GPC6: variants seen among roughly 807,000 people sequenced by gnomAD.
GPC6 encodes glypican 6.
GPC6 carries 14 observed loss-of-function variants against 55.2 expected under a neutral mutation model. The observed-to-expected ratio is 0.25, with a 90% CI of 0.17 to 0.40. The LOEUF (loss-of-function observed/expected upper bound fraction) is 0.40. GPC6 is among the 10% of genes least tolerant of loss of function. The probability of loss-of-function intolerance (pLI) is 1.00; values close to 1 mark genes in which losing one functional copy is unlikely to be tolerated. For missense variants in GPC6, 641 were observed against 708.5 expected (o/e 0.90, Z 1.08); for synonymous variants, 278 against 259.6 (o/e 1.07, Z -0.68).
At chr13:93,873,586 C>T (rs1473353008) in intron 3 of GPC6, among the ~76,000 whole-genome samples, 1 of 151,764 alleles carries the variant, frequency 6.6e-6, no homozygotes, top group African/African-American at 2.4e-5. Flanking sequence ...ACAAGACAGC[C>T]CCTATGACAA....
chr13:93,518,252 C>T (rs1442500571), intron 1 of GPC6, among the ~76,000 whole-genome samples: 1 of 151,844 alleles, frequency 6.6e-6, no homozygotes, highest in Non-Finnish European at 1.5e-5. Flanking sequence ...TTATCTATGT[C>T]CTGTTTTGGA....
intron 1 of GPC6, among the ~76,000 whole-genome samples, chr13:93,544,203 CTT>C (rs879439641): frequency 1.3e-5 from 2 of 151,818 alleles, no homozygotes; most frequent in African/African-American, 4.8e-5. Flanking sequence ...TACTTGTAAA[CTT>C]TTTTTTATTC....
At chr13:93,867,591 C>T (rs578112341) in intron 3 of GPC6, among the ~76,000 whole-genome samples, 3 of 151,856 alleles carry the variant, frequency 2.0e-5, no homozygotes, top group Middle Eastern at 3.4e-3. Flanking sequence ...AAACTCTTCT[C>T]GGAAACCCTT....
intron 6 of GPC6, among the ~76,000 whole-genome samples, chr13:94,363,525 C>T (rs1006753676): frequency 2.6e-5 from 4 of 152,172 alleles, no homozygotes; most frequent in Non-Finnish European, 5.9e-5. Flanking sequence ...TCAAAAAGTT[C>T]AGAAGAAGAT....
chr13:94,044,289 C>A (rs1883645852), intron 4 of GPC6, among the ~76,000 whole-genome samples: 1 of 151,786 alleles, frequency 6.6e-6, no homozygotes, highest in African/African-American at 2.4e-5. Context: ...TGTAGATATT[C>A]TTTTATACTT....
intron 1 of GPC6, among the ~76,000 whole-genome samples, chr13:93,380,811 T>C (rs1462438257): frequency 1.3e-5 from 2 of 152,178 alleles, no homozygotes; most frequent in Non-Finnish European, 2.9e-5. Flanking sequence ...TTGTCTTAGA[T>C]TGACTCTAGC....
chr13:93,254,860 C>A (rs949527434), intron 1 of GPC6, among the ~76,000 whole-genome samples: 2 of 152,164 alleles, frequency 1.3e-5, no homozygotes, highest in African/African-American at 4.8e-5. Flanking sequence ...CCACACTAAT[C>A]TAAGTTGTAA....
chr13:94,207,858 G>A (rs74511369), intron 4 of GPC6, among the ~76,000 whole-genome samples: 2,151 of 152,282 alleles, frequency 0.014, 21 homozygotes, highest in Non-Finnish European at 0.023. Context: ...CCTGAATTAT[G>A]TTGGTGCAAA....
At chr13:94,295,298 A>G (rs1875265513) in intron 5 of GPC6, among the ~76,000 whole-genome samples, 1 of 152,208 alleles carries the variant, frequency 6.6e-6, no homozygotes, top group Non-Finnish European at 1.5e-5. Context: ...ACCATGGAGT[A>G]AGTCAAATCA....
intron 4 of GPC6, among the ~76,000 whole-genome samples, chr13:94,151,523 A>G (rs1887739793): frequency 6.6e-6 from 1 of 152,146 alleles, no homozygotes; most frequent in Non-Finnish European, 1.5e-5. Context: ...TGCTTTTTCC[A>G]TACAGTAAAT....
intron 1 of GPC6, among the ~76,000 whole-genome samples, chr13:93,479,622 C>T (rs1480712500): frequency 6.7e-6 from 1 of 149,610 alleles, no homozygotes; most frequent in Non-Finnish European, 1.5e-5. Flanking sequence ...CCCCCCATCT[C>T]TACTAAAAAT....
chr13:93,873,606 T>C (rs527393296), intron 3 of GPC6, among the ~76,000 whole-genome samples: 2 of 152,062 alleles, frequency 1.3e-5, no homozygotes, highest in East Asian at 3.9e-4. Context: ...AATAATCATC[T>C]GGCCCCACCT....
intron 2 of GPC6, among the ~76,000 whole-genome samples, chr13:93,624,574 T>C (rs1879114202): frequency 1.3e-5 from 2 of 152,182 alleles, no homozygotes; most frequent in Admixed American, 1.3e-4. Context: ...AATGTAATCT[T>C]TTAGAAAACG....
At chr13:93,240,201 A>G (rs751740821) in intron 1 of GPC6, among the ~76,000 whole-genome samples, 2 of 152,088 alleles carry the variant, frequency 1.3e-5, no homozygotes, top group East Asian at 1.9e-4. Context: ...TTCTGCCTCA[A>G]TGATCTAGCT....
chr13:93,919,894 C>T (rs894228718), intron 3 of GPC6, among the ~76,000 whole-genome samples: 4 of 152,324 alleles, frequency 2.6e-5, no homozygotes, highest in African/African-American at 7.2e-5. Flanking sequence ...TTTCTTGCTG[C>T]GTAGACTTGC....
At chr13:93,685,828 G>A (rs185936620) in intron 2 of GPC6, among the ~76,000 whole-genome samples, 155 of 151,996 alleles carry the variant, frequency 1.0e-3, no homozygotes, top group African/African-American at 3.4e-3. Context: ...TTTTCCTTGC[G>A]TTCACAACAA....
At chr13:93,591,782 G>A (rs1001223913) in intron 2 of GPC6, among the ~76,000 whole-genome samples, 2 of 152,170 alleles carry the variant, frequency 1.3e-5, no homozygotes, top group Non-Finnish European at 1.5e-5. Context: ...AAGACTATGA[G>A]TAACTTCCCA....
intron 3 of GPC6, among the ~76,000 whole-genome samples, chr13:93,881,018 A>G (rs60822231): frequency 0.027 from 4,102 of 152,202 alleles, 65 homozygotes; most frequent in East Asian, 0.056. Context: ...AATTCTTGGT[A>G]TAACAAGCCC....
At chr13:93,503,901 G>T (rs930098069) in intron 1 of GPC6, among the ~76,000 whole-genome samples, 2 of 152,078 alleles carry the variant, frequency 1.3e-5, no homozygotes, top group African/African-American at 4.8e-5. Context: ...ATGAGATATA[G>T]TATATAATCA....
Sources: allele counts gnomAD v4.1 joint callset (sites outside exome capture counted in the v4.1 genomes callset), GRCh38; gene constraint gnomAD v4.1.1; transcripts MANE v1.5; gene names NCBI Gene and HGNC (gene_info 2026-07-23, HGNC 2026-07-21).